Variants in CSMD1 observed in about 807,000 individuals in gnomAD.
The protein encoded by CSMD1 is CUB and Sushi multiple domains 1.
Under a neutral mutation model 417.5 loss-of-function variants are expected in CSMD1, and 213 were observed. That is an observed-to-expected ratio of 0.51 (90% CI 0.46 to 0.57). The LOEUF (loss-of-function observed/expected upper bound fraction) is 0.57. Among genes scored for constraint, CSMD1 ranks in the 20% least tolerant of loss-of-function variants. The probability of loss-of-function intolerance (pLI) is 0.00; values close to 1 mark genes in which losing one functional copy is unlikely to be tolerated. For missense variants in CSMD1, 6,923 were observed against 4,529.7 expected (o/e 1.53, Z -15.17); for synonymous variants, 2,862 against 1,736.8 (o/e 1.65, Z -16.11).
chr8:4,205,738 C>A (rs919831580), intron 3 of CSMD1, among the ~76,000 whole-genome samples: 1 of 151,994 alleles, frequency 6.6e-6, no homozygotes, highest in Non-Finnish European at 1.5e-5. Flanking sequence ...ACTTCCTAGG[C>A]CACTGTGAGA....
chr8:3,682,046 T>C (rs1799692079), intron 7 of CSMD1, among the ~76,000 whole-genome samples: 1 of 152,128 alleles, frequency 6.6e-6, no homozygotes, highest in Admixed American at 6.6e-5. Context: ...TAATTCAAGA[T>C]GGATTAAAGA....
At chr8:4,434,688 A>G (rs1041407030) in intron 2 of CSMD1, among the ~76,000 whole-genome samples, 1 of 152,186 alleles carries the variant, frequency 6.6e-6, no homozygotes, top group African/African-American at 2.4e-5. Flanking sequence ...GGAAAGGAAC[A>G]AAGAGTAACA....
intron 1 of CSMD1, among the ~76,000 whole-genome samples, chr8:4,750,334 G>A (rs1000155657): frequency 1.3e-5 from 2 of 152,118 alleles, no homozygotes; most frequent in Non-Finnish European, 2.9e-5. Flanking sequence ...CACCTCTCTA[G>A]AAACTGCTGA....
intron 3 of CSMD1, among the ~76,000 whole-genome samples, chr8:4,059,749 G>A (rs4430121): frequency 6.6e-6 from 1 of 151,860 alleles, no homozygotes; most frequent in Non-Finnish European, 1.5e-5. Flanking sequence ...CCAGGAAGAA[G>A]TTGAATCTCT....
intron 2 of CSMD1, among the ~76,000 whole-genome samples, chr8:4,591,723 G>C (rs188661162): frequency 1.3e-5 from 2 of 152,110 alleles, no homozygotes; most frequent in African/African-American, 4.8e-5. Context: ...TTGCAGAGAA[G>C]GTTTTAAAGC....
intron 2 of CSMD1, among the ~76,000 whole-genome samples, chr8:4,561,413 T>G (rs1250094135): frequency 1.3e-5 from 2 of 152,174 alleles, no homozygotes; most frequent in African/African-American, 4.8e-5. Context: ...CCAGGCACAG[T>G]GGCTCATGCC....
rs1034539461 is a variant in CSMD1, at chr8:3,673,450, C to T, written c.1009+34964G>A. On this transcript the variant is annotated intron_variant, in intron 7 of 69. Transcript: ENST00000635120. ...CCCTTGGTCTCTGGGTACAATGTGG[C>T]CCTGACTTATGACAAGCAAGAATGT... Among the ~76,000 whole-genome samples, 5 of 152,130 alleles carry T rather than the reference C, an allele frequency of 3.3e-5. No homozygotes were observed. The East Asian group carries it at 9.6e-4, about 29-fold the overall frequency.
chr8:4,445,857 G>A (rs751306650), intron 2 of CSMD1, among the ~76,000 whole-genome samples: 2 of 152,234 alleles, frequency 1.3e-5, no homozygotes, highest in African/African-American at 4.8e-5. Flanking sequence ...CAATGCAGAA[G>A]TGTTCTCCCG....
At chr8:3,302,712 G>A (rs758889871) in intron 25 of CSMD1, among the ~76,000 whole-genome samples, 6 of 152,186 alleles carry the variant, frequency 3.9e-5, no homozygotes, top group Non-Finnish European at 7.3e-5. Context: ...CAGTGATGAT[G>A]ATGTGCCTCG....
chr8:4,944,220 G>C (rs1446751512), intron 1 of CSMD1, among the ~76,000 whole-genome samples: 2 of 152,146 alleles, frequency 1.3e-5, no homozygotes, highest in African/African-American at 4.8e-5. Flanking sequence ...AATAATTAAA[G>C]ACCAAAAGAT....
At chr8:3,534,291 T>C (rs1278910830) in intron 10 of CSMD1, among the ~76,000 whole-genome samples, 1 of 152,172 alleles carries the variant, frequency 6.6e-6, no homozygotes, top group Admixed American at 6.5e-5. Context: ...AATTTATTAA[T>C]TTCCTTCATC....
At chr8:4,731,543 CATTA>C (rs1809866096) in intron 1 of CSMD1, among the ~76,000 whole-genome samples, 1 of 152,086 alleles carries the variant, frequency 6.6e-6, no homozygotes, top group Non-Finnish European at 1.5e-5. Context: ...TTCTTTTGTT[CATTA>C]ATTATTAAAT....
intron 3 of CSMD1, among the ~76,000 whole-genome samples, chr8:4,173,903 G>C (rs1375650230): frequency 3.3e-5 from 5 of 152,114 alleles, no homozygotes; most frequent in Admixed American, 1.3e-4. Context: ...TCTGGGCTCA[G>C]TACACATGGC....
At chr8:3,985,214 G>C (rs904644038) in intron 5 of CSMD1, among the ~76,000 whole-genome samples, 1 of 152,142 alleles carries the variant, frequency 6.6e-6, no homozygotes, top group Non-Finnish European at 1.5e-5. Context: ...AGGTATCTGA[G>C]AAGCATTGAC....
chr8:3,803,012 T>C (rs757940323), intron 5 of CSMD1, among the ~76,000 whole-genome samples: 2 of 152,224 alleles, frequency 1.3e-5, no homozygotes, highest in Non-Finnish European at 2.9e-5. Flanking sequence ...CCTTTTGTAA[T>C]GATAAGAACA....
chr8:3,694,736 T>C (rs1343314132), intron 7 of CSMD1, among the ~76,000 whole-genome samples: 1 of 151,772 alleles, frequency 6.6e-6, no homozygotes, highest in African/African-American at 2.4e-5. Flanking sequence ...CAGGTGCCAT[T>C]CTGCTTCGAA....
chr8:4,773,919 G>T (rs893787107), intron 1 of CSMD1, among the ~76,000 whole-genome samples: 1 of 152,160 alleles, frequency 6.6e-6, no homozygotes, highest in African/African-American at 2.4e-5. Flanking sequence ...CTCTTGGCTG[G>T]GTGCAGTGGC....
chr8:3,796,494 T>C (rs1041807240), intron 5 of CSMD1, among the ~76,000 whole-genome samples: 4 of 143,892 alleles, frequency 2.8e-5, no homozygotes, highest in African/African-American at 7.5e-5. Flanking sequence ...CTATCATGTA[T>C]AGATATAGAT....
chr8:3,970,043 G>A (rs17068279), intron 5 of CSMD1, among the ~76,000 whole-genome samples: 6,548 of 152,172 alleles, frequency 0.043, 181 homozygotes, highest in African/African-American at 0.083. Flanking sequence ...TCAGCATACT[G>A]AGCTACCAAA....
Sources: allele counts gnomAD v4.1 joint callset (sites outside exome capture counted in the v4.1 genomes callset), GRCh38; gene constraint gnomAD v4.1.1; transcripts MANE v1.5; gene names NCBI Gene and HGNC (gene_info 2026-07-23, HGNC 2026-07-21).